FMN2: variants seen among roughly 807,000 people sequenced by gnomAD.
FMN2 encodes the protein formin-2.
In FMN2, 51 loss-of-function variants were observed where a neutral mutation model predicts 142.3. The ratio of observed to expected loss-of-function variants is 0.36; its 90% CI spans 0.29 to 0.45. The LOEUF (loss-of-function observed/expected upper bound fraction) is 0.45. FMN2 is among the 20% of genes least tolerant of loss of function. FMN2 has a pLI of 1.00. For missense variants in FMN2, 1,936 were observed against 2,122.8 expected, an observed-to-expected ratio of 0.91 and a Z score of 1.73; for synonymous variants, 882 against 869.8, an observed-to-expected ratio of 1.01 and a Z score of -0.25.
intron 3 of FMN2, 98 bp from the exon 4 acceptor site, chr1:240,188,108 TG>T: frequency 8.6e-7 from 1 of 1,168,566 alleles, no homozygotes; most frequent in Non-Finnish European, 1.2e-6. Context: ...TTGGTACTTA[TG>T]GTTAATGATA....
chr1:240,440,814 A>G (rs112967324), intron 16 of FMN2, among the ~76,000 whole-genome samples: 1 of 151,920 alleles, frequency 6.6e-6, no homozygotes, highest in East Asian at 1.9e-4. Context: ...TCCTTTCCTT[A>G]GTGAGGGACC....
intron 6 of FMN2, among the ~76,000 whole-genome samples, chr1:240,241,602 A>G (rs976928166): frequency 3.3e-5 from 5 of 152,060 alleles, no homozygotes; most frequent in Admixed American, 6.6e-5. Flanking sequence ...TCAATACATA[A>G]TAGTTATTAT....
chr1:240,294,992 G>A (rs924869358), intron 8 of FMN2, 109 bp downstream of exon 8: 71 of 923,050 alleles, frequency 7.7e-5, no homozygotes, highest in Middle Eastern at 3.4e-4. Flanking sequence ...AATTTGATCC[G>A]AGTGTAGTGA....
At chr1:240,469,371 T>A (rs1676738181) in intron 16 of FMN2, among the ~76,000 whole-genome samples, 1 of 152,172 alleles carries the variant, frequency 6.6e-6, no homozygotes, top group Non-Finnish European at 1.5e-5. Flanking sequence ...GGGCTCAGTT[T>A]TCCAGCTGCC....
At chr1:240,262,759 C>CTTTT (rs764626617) in intron 7 of FMN2, among the ~76,000 whole-genome samples, 16 of 117,768 alleles carry the variant, frequency 1.4e-4, no homozygotes, top group African/African-American at 3.9e-4. Context: ...AAAACTTTTA[C>CTTTT]TTTTTTTTTT....
intron 11 of FMN2, among the ~76,000 whole-genome samples, chr1:240,333,236 G>C (rs1214204566): frequency 2.0e-5 from 3 of 152,064 alleles, no homozygotes; most frequent in Non-Finnish European, 4.4e-5. Context: ...AAGTGTGTTA[G>C]ATATGAAACA....
intron 2 of FMN2, chr1:240,171,050 T>C (rs12725745): frequency 0.26 from 296,633 of 1,129,928 alleles, 40,303 homozygotes; most frequent in South Asian, 0.34. Flanking sequence ...GTGGTTGGAG[T>C]AGCTGCTTCA....
At chr1:240,352,443 G>A (rs998889457) in intron 13 of FMN2, among the ~76,000 whole-genome samples, 1 of 152,094 alleles carries the variant, frequency 6.6e-6, no homozygotes, top group Non-Finnish European at 1.5e-5. Flanking sequence ...TTAACAGGGC[G>A]TGGTGGCAGG....
At chr1:240,393,677 T>G (rs184514780) in intron 15 of FMN2, among the ~76,000 whole-genome samples, 1 of 152,168 alleles carries the variant, frequency 6.6e-6, no homozygotes. Flanking sequence ...AGACGTCTAG[T>G]GCCAAACAGT....
chr1:240,173,008 T>C (rs918410410), intron 2 of FMN2, among the ~76,000 whole-genome samples: 1 of 152,122 alleles, frequency 6.6e-6, no homozygotes, highest in Non-Finnish European at 1.5e-5. Flanking sequence ...TGATCTTGGC[T>C]CACTGCAACC....
chr1:240,440,994 C>CTTT (rs11358093), intron 16 of FMN2, among the ~76,000 whole-genome samples: 75 of 127,498 alleles, frequency 5.9e-4, no homozygotes, highest in Non-Finnish European at 7.9e-4. Context: ...TTGGTGTAAA[C>CTTT]TTTTTTTTTT....
chr1:240,394,974 A>G (rs1200921125), intron 15 of FMN2, among the ~76,000 whole-genome samples: 1 of 152,130 alleles, frequency 6.6e-6, no homozygotes, highest in African/African-American at 2.4e-5. Context: ...TCTCAAAAAT[A>G]AGTAAATAAA....
chr1:240,341,887 C>G (rs1671757065), intron 13 of FMN2, among the ~76,000 whole-genome samples: 1 of 152,098 alleles, frequency 6.6e-6, no homozygotes, highest in Non-Finnish European at 1.5e-5. Flanking sequence ...TCTTGCTGCC[C>G]CAGGCATAGA....
At chr1:240,273,664 G>A (rs1271825166) in intron 7 of FMN2, among the ~76,000 whole-genome samples, 1 of 146,704 alleles carries the variant, frequency 6.8e-6, no homozygotes, top group African/African-American at 2.5e-5. Flanking sequence ...AAAGGCAGAG[G>A]GGGCAGAGAC....
At chr1:240,416,345 C>G (rs1192165982) in intron 15 of FMN2, among the ~76,000 whole-genome samples, 1 of 150,390 alleles carries the variant, frequency 6.6e-6, no homozygotes, top group African/African-American at 2.5e-5. Context: ...ACTGCAACCT[C>G]CACCTCCTGG....
At chr1:240,210,073 T>TGGCA (rs1420607683) in intron 5 of FMN2, among the ~76,000 whole-genome samples, 1 of 152,144 alleles carries the variant, frequency 6.6e-6, no homozygotes, top group African/African-American at 2.4e-5. Context: ...TGTCCCTCAT[T>TGGCA]GGCAACACAG....
At chr1:240,122,212 T>G (rs939972449) in intron 1 of FMN2, among the ~76,000 whole-genome samples, 2 of 151,776 alleles carry the variant, frequency 1.3e-5, no homozygotes, top group Non-Finnish European at 2.9e-5. Flanking sequence ...CTCAGCCTCC[T>G]GAGTAGCTGG....
chr1:240,149,492 T>A (rs1663671442), intron 2 of FMN2, among the ~76,000 whole-genome samples: 1 of 152,158 alleles, frequency 6.6e-6, no homozygotes, highest in Non-Finnish European at 1.5e-5. Context: ...CAGTGTTGAT[T>A]TTTATTTTCC....
intron 10 of FMN2, among the ~76,000 whole-genome samples, chr1:240,330,029 T>C (rs1671326087): frequency 1.3e-5 from 2 of 152,268 alleles, no homozygotes; most frequent in Admixed American, 1.3e-4. Context: ...TTTTGAAAAG[T>C]GAAAAGATGT....
Sources: gnomAD v4.1 joint callset for allele counts (sites outside exome capture counted in the v4.1 genomes callset) on GRCh38, gnomAD v4.1.1 for gene constraint, MANE v1.5 for transcripts, NCBI Gene and HGNC (gene_info 2026-07-23, HGNC 2026-07-21) for gene names.